C6: variants seen among roughly 807,000 people sequenced by gnomAD.
C6 encodes the protein complement C6, also known as complement component C6.
A neutral mutation model predicts 112.9 loss-of-function variants in C6; 101 were observed. That is an observed-to-expected ratio of 0.89 (90% CI 0.76 to 1.06). The LOEUF (loss-of-function observed/expected upper bound fraction) is 1.06, where lower values mean the gene tolerates loss of function less well. C6 is among the 50% of genes least tolerant of loss of function. The pLI is 0.00. For synonymous variants in C6, 431 were observed against 384.1 expected, an observed-to-expected ratio of 1.12 and a Z score of -1.43; for missense variants, 1,202 against 1,104.6, an observed-to-expected ratio of 1.09 and a Z score of -1.25.
chr5:41,157,560 G>T (rs1355347489), intron 13 of C6, among the ~76,000 whole-genome samples: 1 of 152,140 alleles, frequency 6.6e-6, no homozygotes, highest in Admixed American at 6.5e-5. Flanking sequence ...ATAAAAATAA[G>T]ACTTTATTTT....
rs116340141 is a variant in C6 at position 41,239,789 on chromosome 5, C to G, written c.-21+21405G>C. 6.9e-4 allele frequency among the ~76,000 whole-genome samples: 105 copies of G among 152,212 alleles called. 2 individuals carry two copies. Among genetic ancestry groups the G allele is most frequent in the African/African-American group, 2.3e-3 (97 of 41,536 alleles). On this transcript the variant is annotated intron_variant, in intron 1 of 17. Coordinates refer to the C6 transcript ENST00000263413. The stretch of plus-strand genomic sequence containing the variant: ...ACTCCCTGAAGCATATCTTTCAGGT[C>G]TGGTTTAGTGGTGATAAATTCCCTC...
At chr5:41,218,625 C>A (rs1738972044) in intron 1 of C6, among the ~76,000 whole-genome samples, 1 of 152,050 alleles carries the variant, frequency 6.6e-6, no homozygotes. Context: ...CCTGTAGGAC[C>A]CACTGAGCTG....
At position 41,160,138 on chromosome 5, in the gene C6, T is replaced by G; in HGVS notation, c.1684+4A>C. On this transcript the variant is annotated splice_donor_region_variant and intron_variant, in intron 11 of 17. Coordinates refer to ENST00000337836, the MANE Select transcript of C6 (RefSeq NM_000065.5). ...CTACCTCACAATAGATTCCTGATAC[T>G]TACTGGATTTATAATCTGGAGACTG... 1 of 1,602,520 alleles carries G rather than the reference T, an allele frequency of 6.2e-7. No homozygotes were observed. The highest frequency in any genetic ancestry group is 2.2e-5 in the East Asian group (1 of 44,836).
intron 1 of C6, among the ~76,000 whole-genome samples, chr5:41,233,679 C>G (rs1740048238): frequency 6.6e-6 from 1 of 151,406 alleles, no homozygotes; most frequent in African/African-American, 2.4e-5. Context: ...AGTGCATGAA[C>G]AAAAAAATAA....
intron 15 of C6, among the ~76,000 whole-genome samples, chr5:41,153,372 A>C (rs1048600403): frequency 6.6e-6 from 1 of 152,218 alleles, no homozygotes; most frequent in Non-Finnish European, 1.5e-5. Context: ...GATACTGCCT[A>C]CAGTGTCTTA....
intron 17 of C6, among the ~76,000 whole-genome samples, chr5:41,143,482 G>T (rs1004291644): frequency 1.3e-5 from 2 of 152,106 alleles, no homozygotes; most frequent in Non-Finnish European, 2.9e-5. Context: ...CATTGGCATT[G>T]CCTAACTACA....
chr5:41,236,917 T>C (rs979455075), intron 1 of C6, among the ~76,000 whole-genome samples: 16 of 148,914 alleles, frequency 1.1e-4, no homozygotes, highest in African/African-American at 4.0e-4. Context: ...CCCACAGAAA[T>C]ACAAACTACC....
At chr5:41,207,694 C>T (rs375178573) in intron 1 of C6, among the ~76,000 whole-genome samples, 15 of 152,188 alleles carry the variant, frequency 9.9e-5, no homozygotes, top group African/African-American at 2.6e-4. Flanking sequence ...TAAATATATA[C>T]GCACCCAATA....
Position 41,205,002 on chromosome 5 carries a change from C to G in C6, c.-20-1752G>C, listed in dbSNP as rs141290955. Reference sequence around the variant, plus strand: ...AAGAAAAATGCCAGAATAAAAGTAACCAAATCCATTGACGTATGGCTGAAT... The same window carrying G: ...AAGAAAAATGCCAGAATAAAAGTAAGCAAATCCATTGACGTATGGCTGAAT... On this transcript the variant is annotated intron_variant, in intron 1 of 17. Coordinates refer to ENST00000337836, the MANE Select transcript of C6 (RefSeq NM_000065.5). 3.9e-5 allele frequency among the ~76,000 whole-genome samples: 6 copies of G among 152,190 alleles called. 1 individual carries two copies. Among genetic ancestry groups the G allele is most frequent in the African/African-American group, 1.4e-4 (6 of 41,522 alleles).
chr5:41,162,688 C>A (rs1747633822), intron 9 of C6, among the ~76,000 whole-genome samples: 1 of 152,088 alleles, frequency 6.6e-6, no homozygotes, highest in Non-Finnish European at 1.5e-5. Context: ...TGGTGTCTAT[C>A]AGTAAGAATT....
intron 6 of C6, among the ~76,000 whole-genome samples, chr5:41,183,229 A>G (rs987644753): frequency 6.6e-6 from 1 of 152,238 alleles, no homozygotes; most frequent in Non-Finnish European, 1.5e-5. Context: ...AATAACCCCA[A>G]TAGCATGGAT....
At chr5:41,159,043 G>C in intron 12 of C6, 39 bp downstream of exon 12, 3 of 1,607,030 alleles carry the variant, frequency 1.9e-6, no homozygotes, top group Non-Finnish European at 2.6e-6. Flanking sequence ...TTGAGAGTTA[G>C]GGCAAAATGA....
intron 17 of C6, 23 bp downstream of exon 17, chr5:41,149,218 G>C (rs1227604730): frequency 1.2e-6 from 2 of 1,613,444 alleles, no homozygotes; most frequent in African/African-American, 1.3e-5. Flanking sequence ...AGAGCATTTA[G>C]TATGGTCACC....
chr5:41,149,940 G>T lies in C6; in HGVS notation c.2376C>A (p.Asp792Glu). The T allele has an allele frequency of 6.2e-7, 1 of 1,606,576 alleles. No individual in the cohort carries two copies. Among genetic ancestry groups the T allele is most frequent in the South Asian group, 1.1e-5 (1 of 90,964 alleles). The change falls in exon 16 of 18, where the codon GAC becomes GAA. Residue 792 changes from aspartate (D) to glutamate (E), a missense_variant. Physicochemically the swap from Asp to Glu is conservative, Grantham distance 45. Transcript: ENST00000337836. ...SECICMSPEE[D>E]CSHHSEDLCV... Reference sequence around the variant, plus strand: ...GTCTGTAGGGTATCTCTTACCTACAGTCTTCTTCTGGAGACATACAAATGC... The same window carrying T: ...GTCTGTAGGGTATCTCTTACCTACATTCTTCTTCTGGAGACATACAAATGC...
At chr5:41,183,451 G>T (rs1305056016) in intron 6 of C6, among the ~76,000 whole-genome samples, 1 of 152,074 alleles carries the variant, frequency 6.6e-6, no homozygotes, top group Admixed American at 6.6e-5. Context: ...CACAAGTCAG[G>T]ATGACTAGTA....
intron 17 of C6, among the ~76,000 whole-genome samples, chr5:41,147,685 T>C (rs1438102891): frequency 6.6e-6 from 1 of 152,226 alleles, no homozygotes; most frequent in Non-Finnish European, 1.5e-5. Context: ...CAATTTAAGA[T>C]AATTTTTTTG....
intron 12 of C6, 24 bp from the exon 13 acceptor site, chr5:41,158,809 G>T: frequency 7.6e-7 from 1 of 1,314,380 alleles, no homozygotes; most frequent in Non-Finnish European, 1.1e-6. Context: ...ATAAATATGT[G>T]TGTATATGTA....
intron 5 of C6, among the ~76,000 whole-genome samples, chr5:41,191,844 A>G (rs759223601): frequency 1.1e-4 from 17 of 150,888 alleles, no homozygotes; most frequent in Non-Finnish European, 2.1e-4. Context: ...AGATAATGTC[A>G]TCTACAAACA....
chr5:41,149,547 C>A lies in C6; in HGVS notation c.2382-65G>T. The A allele has an allele frequency of 2.5e-6, 4 of 1,599,464 alleles. No homozygotes were observed. The Admixed American group carries it at 6.7e-5, about 27-fold the overall frequency. Reference sequence around the variant, plus strand: ...CAGAAAAAAACAGGGGGCACGTAGCCAATGTAGTGTGTTCACTCACCAACC... The same window carrying A: ...CAGAAAAAAACAGGGGGCACGTAGCAAATGTAGTGTGTTCACTCACCAACC... On this transcript the variant is annotated intron_variant, in intron 16 of 17. Coordinates refer to ENST00000337836, the MANE Select transcript of C6 (RefSeq NM_000065.5).
Sources: allele counts gnomAD v4.1 joint callset (sites outside exome capture counted in the v4.1 genomes callset), GRCh38; gene constraint gnomAD v4.1.1; transcripts MANE v1.5; gene names NCBI Gene and HGNC (gene_info 2026-07-23, HGNC 2026-07-21).